The following LRRTM4 variants were observed in gnomAD, a reference collection of about 807,000 sequenced individuals.
LRRTM4 encodes leucine rich repeat transmembrane neuronal 4, also known as leucine-rich repeat transmembrane neuronal protein 4.
In LRRTM4, 25 loss-of-function variants were observed where a neutral mutation model predicts 47.6. The observed-to-expected ratio is 0.53, with a 90% confidence interval of 0.38 to 0.73. The LOEUF is 0.73. LRRTM4 is among the 30% of genes least tolerant of loss of function. The probability of loss-of-function intolerance (pLI) is 0.00; values close to 1 mark genes in which losing one functional copy is unlikely to be tolerated. For missense variants in LRRTM4, 638 were observed against 713.4 expected (o/e 0.89, Z 1.20); for synonymous variants, 311 against 269.5 (o/e 1.15, Z -1.51).
chr2:77,426,846 C>G (rs867355511), intron 3 of LRRTM4, among the ~76,000 whole-genome samples: 65 of 125,566 alleles, frequency 5.2e-4, no homozygotes, highest in Admixed American at 2.3e-3. Flanking sequence ...CACACACACA[C>G]AGAGAGAGAG....
chr2:77,222,067 C>G (rs1051494422), intron 3 of LRRTM4, among the ~76,000 whole-genome samples: 1 of 152,108 alleles, frequency 6.6e-6, no homozygotes, highest in Non-Finnish European at 1.5e-5. Context: ...CAAAACCGCT[C>G]AACTACATGG....
intron 3 of LRRTM4, among the ~76,000 whole-genome samples, chr2:76,766,248 CCTTT>C (rs1307947896): frequency 6.6e-6 from 1 of 152,094 alleles, no homozygotes; most frequent in Non-Finnish European, 1.5e-5. Context: ...GCGAATTGTT[CCTTT>C]CTTGTGCTAA....
chr2:77,183,716 T>C (rs1023787744), intron 3 of LRRTM4, among the ~76,000 whole-genome samples: 2 of 150,894 alleles, frequency 1.3e-5, no homozygotes, highest in African/African-American at 4.9e-5. Context: ...ATTAAGAAAA[T>C]GTGGCACATC....
chr2:77,461,486 T>C (rs1676787589), intron 3 of LRRTM4, among the ~76,000 whole-genome samples: 1 of 152,086 alleles, frequency 6.6e-6, no homozygotes, highest in Admixed American at 6.6e-5. Flanking sequence ...TGGACTGAAA[T>C]GTTAAAATAC....
intron 3 of LRRTM4, among the ~76,000 whole-genome samples, chr2:77,179,460 T>A (rs1673290768): frequency 6.6e-6 from 1 of 152,160 alleles, no homozygotes; most frequent in Admixed American, 6.5e-5. Context: ...TGAATAATAT[T>A]ATGTGAGGTT....
intron 3 of LRRTM4, among the ~76,000 whole-genome samples, chr2:77,059,444 G>A (rs1405848798): frequency 6.6e-6 from 1 of 150,678 alleles, no homozygotes; most frequent in Admixed American, 6.6e-5. Context: ...AAATGTAATG[G>A]CTTATATTTG....
At chr2:77,041,277 T>C (rs113941989) in intron 3 of LRRTM4, among the ~76,000 whole-genome samples, 19 of 151,742 alleles carry the variant, frequency 1.3e-4, no homozygotes, top group African/African-American at 4.6e-4. Context: ...GGCCAAATAG[T>C]ATTTTATTGT....
At chr2:77,100,067 G>A (rs1670912751) in intron 3 of LRRTM4, among the ~76,000 whole-genome samples, 1 of 151,852 alleles carries the variant, frequency 6.6e-6, no homozygotes, top group African/African-American at 2.4e-5. Context: ...GGTCCTTTAA[G>A]TAACATGAAA....
intron 3 of LRRTM4, among the ~76,000 whole-genome samples, chr2:77,354,635 C>T (rs1057366302): frequency 4.6e-5 from 7 of 152,072 alleles, no homozygotes; most frequent in African/African-American, 1.2e-4. Flanking sequence ...AGACAGCACT[C>T]GTGATTTCAG....
intron 3 of LRRTM4, among the ~76,000 whole-genome samples, chr2:77,257,339 G>A (rs1404704870): frequency 1.3e-5 from 2 of 151,272 alleles, no homozygotes; most frequent in African/African-American, 4.9e-5. Flanking sequence ...ATAAATACAT[G>A]ATTTCAAAAA....
chr2:77,238,975 G>A (rs866721626), intron 3 of LRRTM4, among the ~76,000 whole-genome samples: 5 of 151,424 alleles, frequency 3.3e-5, no homozygotes, highest in Non-Finnish European at 5.9e-5. Context: ...TACCTCATAA[G>A]TATATAAACC....
intron 3 of LRRTM4, among the ~76,000 whole-genome samples, chr2:76,919,963 C>T (rs1307384246): frequency 1.3e-5 from 2 of 151,936 alleles, no homozygotes; most frequent in African/African-American, 4.8e-5. Flanking sequence ...TAATCTTTTA[C>T]TCATTTTTTT....
intron 3 of LRRTM4, among the ~76,000 whole-genome samples, chr2:76,871,326 A>G (rs966549940): frequency 2.0e-5 from 3 of 152,268 alleles, no homozygotes; most frequent in Admixed American, 6.5e-5. Flanking sequence ...CAGATAATGG[A>G]AAGAGCATAA....
intron 3 of LRRTM4, among the ~76,000 whole-genome samples, chr2:76,871,587 A>G (rs1019420013): frequency 2.6e-5 from 4 of 152,108 alleles, no homozygotes; most frequent in Admixed American, 2.0e-4. Flanking sequence ...ATCTCCTATG[A>G]TATCTTCCTT....
chr2:76,905,230 A>G (rs1397734247), intron 3 of LRRTM4, among the ~76,000 whole-genome samples: 1 of 152,176 alleles, frequency 6.6e-6, no homozygotes, highest in Non-Finnish European at 1.5e-5. Context: ...GCTGATACCC[A>G]GGCAAACAAG....
chr2:77,520,919 A>C (rs950335693), intron 2 of LRRTM4, among the ~76,000 whole-genome samples: 1 of 152,072 alleles, frequency 6.6e-6, no homozygotes, highest in African/African-American at 2.4e-5. Flanking sequence ...AAAAAAAAAG[A>C]AACAACTACC....
chr2:76,908,538 A>G (rs1304690497), intron 3 of LRRTM4, among the ~76,000 whole-genome samples: 1 of 152,076 alleles, frequency 6.6e-6, no homozygotes, highest in Non-Finnish European at 1.5e-5. Context: ...AATTAAGAAA[A>G]GAGGAAGTCA....
intron 3 of LRRTM4, among the ~76,000 whole-genome samples, chr2:77,471,295 C>T (rs925302184): frequency 6.6e-6 from 1 of 152,140 alleles, no homozygotes; most frequent in East Asian, 1.9e-4. Flanking sequence ...ATCCTATTAA[C>T]TCTATTTTCC....
chr2:77,301,042 A>G (rs1424457987), intron 3 of LRRTM4, among the ~76,000 whole-genome samples: 1 of 151,946 alleles, frequency 6.6e-6, no homozygotes, highest in Non-Finnish European at 1.5e-5. Flanking sequence ...AATCCATGCT[A>G]TATCTCTTTT....
Sources: gnomAD v4.1 joint callset for allele counts (sites outside exome capture counted in the v4.1 genomes callset) on GRCh38, gnomAD v4.1.1 for gene constraint, MANE v1.5 for transcripts, NCBI Gene and HGNC (gene_info 2026-07-23, HGNC 2026-07-21) for gene names.